Variants in TBCD observed in about 807,000 individuals in gnomAD.
TBCD encodes tubulin folding cofactor D, also known as tubulin-specific chaperone D.
TBCD carries 105 observed loss-of-function variants against 169.3 expected under a neutral mutation model. The ratio of observed to expected loss-of-function variants is 0.62; its 90% confidence interval spans 0.53 to 0.73. The LOEUF (loss-of-function observed/expected upper bound fraction) is 0.73. TBCD is among the 30% of genes least tolerant of loss of function. TBCD has a pLI of 0.00. For missense variants in TBCD, 1,444 were observed against 1,600.1 expected (o/e 0.90, Z 1.66); for synonymous variants, 700 against 643.9 (o/e 1.09, Z -1.32).
intron 13 of TBCD, among the ~76,000 whole-genome samples, chr17:82,834,366 A>T (rs2053782878): frequency 6.6e-6 from 1 of 152,240 alleles, no homozygotes; most frequent in African/African-American, 2.4e-5. Context: ...GGTGCAATGG[A>T]TCAAGGCTAA....
At chr17:82,813,479 C>T (rs1306335322) in intron 12 of TBCD, among the ~76,000 whole-genome samples, 3 of 152,120 alleles carry the variant, frequency 2.0e-5, no homozygotes, top group Admixed American at 6.5e-5. Context: ...TCCACTGTGC[C>T]GTGGTGGTGC....
At position 82,923,029 on chromosome 17, in the gene TBCD, G is replaced by A. The variant is rs138481548; in HGVS notation, c.2179-623G>A. On this transcript the variant is annotated intron_variant, in intron 25 of 38. Coordinates refer to ENST00000355528, the MANE Select transcript of TBCD (RefSeq NM_005993.5). The surrounding 1 kb of genome is among the most constrained non-coding windows in gnomAD (Gnocchi z 4.6). ...CCTGGTGGCCTTGGGATGGGTTCCC[G>A]GGGGTCTCCTGCTGTCCGGCCCCAA... is the stretch of plus-strand genomic sequence containing the variant. Among the ~76,000 whole-genome samples the A allele has an allele frequency of 2.0e-3, 303 of 152,282 alleles. 2 individuals carry two copies. The highest frequency in any genetic ancestry group is 6.2e-3 in the African/African-American group (257 of 41,536).
intron 1 of TBCD, among the ~76,000 whole-genome samples, chr17:82,752,738 AC>A (rs1408451795): frequency 6.6e-6 from 1 of 151,978 alleles, no homozygotes; most frequent in Non-Finnish European, 1.5e-5. Flanking sequence ...CTCGGGCCAG[AC>A]CCCTCCGGAC....
intron 1 of TBCD, among the ~76,000 whole-genome samples, chr17:82,753,941 C>G (rs1199729875): frequency 6.9e-6 from 1 of 145,464 alleles, no homozygotes; most frequent in Non-Finnish European, 1.5e-5. Context: ...GATCTCAGCT[C>G]ACTGCAACCT....
intron 13 of TBCD, among the ~76,000 whole-genome samples, chr17:82,828,954 T>C (rs2053213860): frequency 7.3e-6 from 1 of 137,036 alleles, no homozygotes; most frequent in African/African-American, 2.8e-5. Flanking sequence ...CCCACGGATA[T>C]GCACACGTGC....
intron 14 of TBCD, among the ~76,000 whole-genome samples, chr17:82,879,181 G>A (rs2058185897): frequency 6.7e-6 from 1 of 149,614 alleles, no homozygotes; most frequent in African/African-American, 2.5e-5. Flanking sequence ...CTTCCCAGGA[G>A]TCTCACATCC....
chr17:82,774,054 T>A (rs936864703), intron 6 of TBCD, among the ~76,000 whole-genome samples: 13 of 150,604 alleles, frequency 8.6e-5, no homozygotes, highest in South Asian at 4.2e-4. Flanking sequence ...TTTTTTTTTT[T>A]AATTTTTTTA....
intron 2 of TBCD, among the ~76,000 whole-genome samples, chr17:82,762,315 C>CAAAAAAA: frequency 1.1e-5 from 1 of 91,452 alleles, no homozygotes; most frequent in South Asian, 4.0e-4. Context: ...GACTCCGTCT[C>CAAAAAAA]AAAAAAAAAA....
chr17:82,802,285 G>A (rs1053927033), intron 9 of TBCD, among the ~76,000 whole-genome samples: 4 of 151,792 alleles, frequency 2.6e-5, no homozygotes, highest in African/African-American at 9.7e-5. Context: ...GCTATAATAC[G>A]TGTGGTTTGG....
At position 82,783,863 on chromosome 17, in the gene TBCD, G is replaced by A. The variant is rs142699850; in HGVS notation, c.771+2142G>A. 1.0e-2 allele frequency among the ~76,000 whole-genome samples: 1,518 copies of A among 152,106 alleles called. 20 individuals are homozygous for A. The highest frequency in any genetic ancestry group is 0.035 in the African/African-American group (1,443 of 41,408). On this transcript the variant is annotated intron_variant, in intron 7 of 38. Transcript: ENST00000355528. ...TTTCAGGCCGGGCGCGGTGGCTCATGCCTATAATCCCAGCACTTTGGGAGG... is the reference window on the plus strand; with the variant it reads ...TTTCAGGCCGGGCGCGGTGGCTCATACCTATAATCCCAGCACTTTGGGAGG...
chr17:82,914,834 C>A (rs1428723053), intron 23 of TBCD, among the ~76,000 whole-genome samples: 1 of 152,186 alleles, frequency 6.6e-6, no homozygotes, highest in Non-Finnish European at 1.5e-5. Flanking sequence ...TTCATTTTTA[C>A]ACTTCGTAGG....
At chr17:82,758,371 C>T (rs183217014) in intron 2 of TBCD, among the ~76,000 whole-genome samples, 179 of 27,912 alleles carry the variant, frequency 6.4e-3, no homozygotes, top group African/African-American at 0.017. Flanking sequence ...GCAACAAGAA[C>T]GAAAACGTCT....
chr17:82,857,746 G>T (rs1346509170), intron 13 of TBCD, among the ~76,000 whole-genome samples: 7 of 132,524 alleles, frequency 5.3e-5, no homozygotes, highest in Non-Finnish European at 6.4e-5. Flanking sequence ...GTGTCTCATG[G>T]TTTTTTTTTT....
At chr17:82,802,016 C>T (rs1447809965) in intron 9 of TBCD, among the ~76,000 whole-genome samples, 8 of 151,472 alleles carry the variant, frequency 5.3e-5, no homozygotes, top group South Asian at 2.1e-4. Flanking sequence ...AGCGTGTGTG[C>T]GTCGTGTTGC....
intron 5 of TBCD, 23 bp downstream of exon 5, chr17:82,768,589 G>C: frequency 6.2e-7 from 1 of 1,610,970 alleles, no homozygotes; most frequent in Admixed American, 1.7e-5. Context: ...CAGATAATTA[G>C]CTGCTAATTA....
chr17:82,821,205 G>A (rs938942088), intron 13 of TBCD, among the ~76,000 whole-genome samples: 3 of 152,168 alleles, frequency 2.0e-5, no homozygotes, highest in African/African-American at 7.2e-5. Flanking sequence ...GGCCTGCCTT[G>A]GGATTATAGG....
chr17:82,831,831 T>C lies in TBCD; in HGVS notation c.1318+16897T>C, dbSNP rs1567853851. The stretch of plus-strand genomic sequence containing the variant: ...CTGGTGGAAGGAAAGGTGAGCCGGC[T>C]TTCCAGGGGTAGCCAGGAGTGTGGA... On this transcript the variant is annotated intron_variant, in intron 13 of 38. Transcript: ENST00000355528. The surrounding 1 kb of genome is among the most constrained non-coding windows in gnomAD (Gnocchi z 4.6). 6.2e-7 allele frequency: 1 copy of C among 1,614,058 alleles called. No individual in the cohort carries two copies.
chr17:82,876,618 G>A (rs1011589051), intron 14 of TBCD, among the ~76,000 whole-genome samples: 2 of 152,216 alleles, frequency 1.3e-5, no homozygotes, highest in Non-Finnish European at 2.9e-5. Flanking sequence ...GTCCAAATCA[G>A]GACAGTGTTA....
At position 82,889,820 on chromosome 17, in the gene TBCD, C is replaced by G. The variant is rs2059004956; in HGVS notation, c.1563+123C>G. ...AGATGTGGTGTGGCTACATCAATGC[C>G]AGGGTCATGAGTTCACTATAGGACG... is the stretch of plus-strand genomic sequence containing the variant. On this transcript the variant is annotated intron_variant, in intron 16 of 38. Transcript: ENST00000355528. This position sits in a 1 kb window ranked among gnomAD's most constrained non-coding sequence, Gnocchi z 5.3. 8.7e-7 allele frequency: 1 copy of G among 1,145,320 alleles called. No individual in the cohort carries two copies. The highest frequency in any genetic ancestry group is 1.3e-6 in the Non-Finnish European group (1 of 797,970). 70.9% of individuals were successfully genotyped at this position (1,145,320 alleles called of 1,614,324 possible). A position where few individuals can be genotyped will look rare whatever the true frequency, so the allele number is the denominator to read the frequency against.
Sources: gnomAD v4.1 joint callset for allele counts (sites outside exome capture counted in the v4.1 genomes callset) on GRCh38, gnomAD v4.1.1 for gene constraint, Gnocchi (gnomAD v3.1) non-coding constraint, MANE v1.5 for transcripts, NCBI Gene and HGNC (gene_info 2026-07-23, HGNC 2026-07-21) for gene names.